The following DYNC2LI1 variants were observed in gnomAD, a reference collection of about 807,000 sequenced individuals.
DYNC2LI1 encodes the protein dynein cytoplasmic 2 light intermediate chain 1.
Under a neutral mutation model 51.9 loss-of-function variants are expected in DYNC2LI1, and 45 were observed. That is an observed-to-expected ratio of 0.87 (90% confidence interval 0.68 to 1.11). The LOEUF (loss-of-function observed/expected upper bound fraction) is 1.11. DYNC2LI1 is among the 50% of genes most tolerant of loss of function. The pLI, the probability that DYNC2LI1 is intolerant of heterozygous loss-of-function variation, is 0.00. For missense variants in DYNC2LI1, 490 were observed against 417.4 expected, an observed-to-expected ratio of 1.17 and a Z score of -1.51; for synonymous variants, 130 against 137.8, an observed-to-expected ratio of 0.94 and a Z score of 0.40.
chr2:43,815,263 T>A, the DYNC2LI1 span, among the ~76,000 whole-genome samples: 1 of 152,248 alleles, frequency 6.6e-6, no homozygotes, highest in East Asian at 1.9e-4. Flanking sequence ...GTCTTCTTAG[T>A]CCACTGTATA....
chr2:43,790,543 C>CT (rs3838570), intron 5 of DYNC2LI1, among the ~76,000 whole-genome samples: 25 of 144,994 alleles, frequency 1.7e-4, no homozygotes, highest in East Asian at 4.0e-4. Context: ...TTTATTTGGT[C>CT]TTTTTTTTTT....
chr2:43,815,924 AAAAG>A, the DYNC2LI1 span, among the ~76,000 whole-genome samples: 45 of 151,762 alleles, frequency 3.0e-4, no homozygotes, highest in African/African-American at 9.9e-4. Context: ...AAAAAAAAAA[AAAAG>A]GACCAGACTA....
rs746397176 is a variant in DYNC2LI1, at chr2:43,795,870, G to C, written c.508-20G>C. On this transcript the variant is annotated intron_variant, in intron 6 of 12. Coordinates refer to ENST00000260605, the MANE Select transcript of DYNC2LI1 (RefSeq NM_016008.4). ...GCAATAAAGAATTACAACAACTCAA[G>C]GAAATATGTTTATTAGCAGGATCAT... The C allele has an allele frequency of 1.1e-5, 18 of 1,599,204 alleles. No individual in the cohort carries two copies. The South Asian group carries it at 1.7e-4, about 15-fold the overall frequency.
chr2:43,810,706 C>G (rs765805292), downstream of DYNC2LI1, among the ~76,000 whole-genome samples: 2 of 152,134 alleles, frequency 1.3e-5, no homozygotes, highest in Non-Finnish European at 2.9e-5. Flanking sequence ...ATTTGCAGTA[C>G]GTATGGTTCT....
downstream of DYNC2LI1, chr2:43,812,339 G>C (rs1359916986): frequency 7.5e-6 from 1 of 133,300 alleles, no homozygotes; most frequent in Non-Finnish European, 1.6e-5. Context: ...TTTTTCGGTA[G>C]GTTTTTTTTT....
chr2:43,774,238 G>T, intron 1 of DYNC2LI1, 92 bp downstream of exon 1: 1 of 1,556,284 alleles, frequency 6.4e-7, no homozygotes, highest in Non-Finnish European at 8.8e-7. Context: ...GGAAGATTGT[G>T]GGGGTGGCTA....
intron 2 of DYNC2LI1, among the ~76,000 whole-genome samples, chr2:43,779,746 A>T (rs146990783): frequency 4.6e-5 from 7 of 152,348 alleles, no homozygotes; most frequent in African/African-American, 1.4e-4. Context: ...AAAATGTATG[A>T]AACAGATATT....
intron 6 of DYNC2LI1, 73 bp from the exon 7 acceptor site, chr2:43,795,817 G>C: frequency 8.9e-7 from 1 of 1,123,066 alleles, no homozygotes; most frequent in Non-Finnish European, 1.4e-6. Flanking sequence ...AATGTTTTTG[G>C]AAGTAAATAG....
intron 9 of DYNC2LI1, 25 bp from the exon 10 acceptor site, chr2:43,801,614 T>C: frequency 6.3e-7 from 1 of 1,578,966 alleles, no homozygotes; most frequent in Non-Finnish European, 8.7e-7. Flanking sequence ...TAAACTAATT[T>C]AGAATCTTTC....
intron 3 of DYNC2LI1, 87 bp downstream of exon 3, chr2:43,783,641 A>G: frequency 1.3e-6 from 1 of 788,602 alleles, no homozygotes; most frequent in Non-Finnish European, 1.9e-6. Flanking sequence ...AAGGAAGGGG[A>G]ACGATTTTGA....
intron 3 of DYNC2LI1, among the ~76,000 whole-genome samples, chr2:43,783,952 A>C (rs912205428): frequency 8.5e-5 from 13 of 152,116 alleles, no homozygotes; most frequent in Non-Finnish European, 7.3e-5. Context: ...CTCAAACTGG[A>C]TATTTTATCA....
downstream of DYNC2LI1, among the ~76,000 whole-genome samples, chr2:43,813,671 GTTGTTTTTTTT>G (rs1260129186): frequency 3.1e-5 from 2 of 64,098 alleles, no homozygotes; most frequent in African/African-American, 6.0e-5. Context: ...GATTTTTTTG[GTTGTTTTTTTT>G]TTGTTTTTTT....
intron 5 of DYNC2LI1, chr2:43,794,169 C>T (rs1034881336): frequency 1.9e-5 from 5 of 257,946 alleles, no homozygotes; most frequent in African/African-American, 6.7e-5. Flanking sequence ...GTGGCATTGT[C>T]GATGCAAATG....
the DYNC2LI1 span, chr2:43,820,196 G>A: frequency 6.9e-7 from 1 of 1,455,886 alleles, no homozygotes; most frequent in South Asian, 1.2e-5. Context: ...TGTGGTGAGT[G>A]GGTGGGAGAA....
chr2:43,778,916 G>A (rs1262610007), intron 2 of DYNC2LI1, among the ~76,000 whole-genome samples: 1 of 152,058 alleles, frequency 6.6e-6, no homozygotes, highest in Non-Finnish European at 1.5e-5. Flanking sequence ...GATGATTTGG[G>A]AACTCCCTTG....
the DYNC2LI1 span, chr2:43,820,027 C>T: frequency 6.2e-7 from 1 of 1,614,112 alleles, no homozygotes; most frequent in African/African-American, 1.3e-5. Flanking sequence ...AGAAATTCAC[C>T]AATTAAGTGG....
At chr2:43,827,982 C>T in the DYNC2LI1 span, 1 of 1,614,026 alleles carries the variant, frequency 6.2e-7, no homozygotes, top group South Asian at 1.1e-5. Context: ...GTGCCACTTA[C>T]TAGGATCCTG....
the DYNC2LI1 span, among the ~76,000 whole-genome samples, chr2:43,822,169 A>G: frequency 1.3e-5 from 2 of 152,048 alleles, no homozygotes; most frequent in Non-Finnish European, 2.9e-5. Flanking sequence ...TGCTTCCTCC[A>G]TCTTACACCT....
chr2:43,792,545 G>T, intron 5 of DYNC2LI1: 1 of 844,230 alleles, frequency 1.2e-6, no homozygotes, highest in Non-Finnish European at 1.6e-6. Context: ...TAAAATTTTA[G>T]TCATTTTTAA....
Sources: gnomAD v4.1 joint callset for allele counts (sites outside exome capture counted in the v4.1 genomes callset) on GRCh38, gnomAD v4.1.1 for gene constraint, MANE v1.5 for transcripts, NCBI Gene and HGNC (gene_info 2026-07-23, HGNC 2026-07-21) for gene names.